The following CTNNA2 variants were observed in gnomAD, a reference collection of about 807,000 sequenced individuals.
CTNNA2 encodes catenin alpha 2.
CTNNA2 carries 42 observed loss-of-function variants against 101.0 expected under a neutral mutation model. That is an observed-to-expected ratio of 0.42 (90% CI 0.32 to 0.54). The LOEUF (loss-of-function observed/expected upper bound fraction) is 0.54. CTNNA2 is among the 20% of genes least tolerant of loss of function. The pLI, the probability that CTNNA2 is intolerant of heterozygous loss-of-function variation, is 0.14. For missense variants in CTNNA2, 871 were observed against 1,223.1 expected (o/e 0.71, Z 4.29); for synonymous variants, 450 against 456.4 (o/e 0.99, Z 0.18).
intron 7 of CTNNA2, among the ~76,000 whole-genome samples, chr2:79,936,022 G>T (rs889073361): frequency 2.0e-5 from 3 of 152,212 alleles, no homozygotes; most frequent in African/African-American, 7.2e-5. Flanking sequence ...AATGAAGAGA[G>T]ATTTAATAAT....
In CTNNA2 at chr2:80,303,100, C is replaced by T; in HGVS notation, c.1057-90111C>T. ...CCACAATGGCCACCTTGTTCCTCCG[C>T]AGGCAGAGCGAGTGCAGGGAGATGA... On this transcript the variant is annotated intron_variant, in intron 7 of 18. Transcript: ENST00000402739. This position sits in a 1 kb window ranked among gnomAD's most constrained non-coding sequence, Gnocchi z 7.7. 6.2e-7 allele frequency: 1 copy of T among 1,614,096 alleles called. No homozygotes were observed. Among genetic ancestry groups the T allele is most frequent in the South Asian group, 1.1e-5 (1 of 91,076 alleles).
intron 6 of CTNNA2, among the ~76,000 whole-genome samples, chr2:79,907,701 G>A (rs1247736689): frequency 2.0e-5 from 3 of 152,178 alleles, no homozygotes; most frequent in African/African-American, 7.2e-5. Flanking sequence ...TAAGATATAA[G>A]AGAGTACAAA....
At chr2:79,328,051 G>GT (rs1573082393) in intron 3 of CTNNA2, among the ~76,000 whole-genome samples, 2 of 152,268 alleles carry the variant, frequency 1.3e-5, no homozygotes, top group East Asian at 3.9e-4. Flanking sequence ...AGAAGAGTTA[G>GT]AAGGGAAGCG....
At chr2:79,324,478 A>G (rs983706669) in intron 3 of CTNNA2, among the ~76,000 whole-genome samples, 2 of 152,174 alleles carry the variant, frequency 1.3e-5, no homozygotes, top group Non-Finnish European at 2.9e-5. Context: ...CCACCTGCTC[A>G]AGAAGGGAAT....
At chr2:79,203,349 T>C (rs78156256) in intron 2 of CTNNA2, among the ~76,000 whole-genome samples, 2 of 152,198 alleles carry the variant, frequency 1.3e-5, no homozygotes. Flanking sequence ...ATGAAACATA[T>C]GTTAAAGATT....
chr2:79,843,466 C>A (rs1017907282), intron 3 of CTNNA2, among the ~76,000 whole-genome samples: 2 of 152,212 alleles, frequency 1.3e-5, no homozygotes, highest in Admixed American at 6.5e-5. Context: ...AGGGCATGAA[C>A]TGGATCAGCC....
intron 7 of CTNNA2, among the ~76,000 whole-genome samples, chr2:79,928,844 A>G (rs1439606921): frequency 1.3e-5 from 2 of 152,178 alleles, no homozygotes; most frequent in African/African-American, 4.8e-5. Flanking sequence ...GAAACAATAC[A>G]TGAAAAAAAA....
intron 7 of CTNNA2, among the ~76,000 whole-genome samples, chr2:80,171,553 G>A (rs1056676259): frequency 1.3e-5 from 2 of 152,180 alleles, no homozygotes; most frequent in South Asian, 2.1e-4. Flanking sequence ...GGATGGGGAG[G>A]CATCAGTGCT....
chr2:80,563,287 C>T (rs1015578091), intron 12 of CTNNA2, among the ~76,000 whole-genome samples: 4 of 152,192 alleles, frequency 2.6e-5, no homozygotes, highest in African/African-American at 7.2e-5. Flanking sequence ...TAGTAATGTC[C>T]TGTCACCCAG....
At chr2:79,493,843 G>C (rs1671228324) in intron 4 of CTNNA2, 1 of 152,128 alleles carries the variant, frequency 6.6e-6, no homozygotes, top group Admixed American at 6.6e-5. Flanking sequence ...ATCTTTATGA[G>C]CTGATATTCC....
chr2:79,977,436 C>G (rs781739326), intron 7 of CTNNA2, among the ~76,000 whole-genome samples: 128 of 152,098 alleles, frequency 8.4e-4, no homozygotes, highest in Non-Finnish European at 9.9e-4. Flanking sequence ...CTGTAGTGTA[C>G]AGGACAGCCC....
At chr2:79,426,454 G>A (rs914390191) in intron 4 of CTNNA2, among the ~76,000 whole-genome samples, 11 of 152,018 alleles carry the variant, frequency 7.2e-5, no homozygotes, top group African/African-American at 1.4e-4. Flanking sequence ...AAAAATTCTC[G>A]TTATTTCTGA....
intron 4 of CTNNA2, among the ~76,000 whole-genome samples, chr2:79,497,427 C>A (rs1370914202): frequency 6.6e-6 from 1 of 152,140 alleles, no homozygotes; most frequent in East Asian, 1.9e-4. Context: ...AGTATTTGTT[C>A]CTGCTGCTGT....
At chr2:80,043,081 TTCTTTCTTTCTTTCTC>T (rs1251176393) in intron 7 of CTNNA2, among the ~76,000 whole-genome samples, 1,547 of 43,366 alleles carry the variant, frequency 0.036, 28 homozygotes, top group Non-Finnish European at 0.044. Flanking sequence ...CTTTCTTTCT[TTCTTTCTTTCTTTCTC>T]TCTCTCTCTC....
In CTNNA2 at chr2:79,494,837, G is replaced by A. The variant is rs563432267; in HGVS notation, c.-134-10217G>A. ...CAAAATTAAAAACTTTTGGCAGGGCGTGGTGGCTCACGTCTGTAATTCCAG... is the reference window on the plus strand; with the variant it reads ...CAAAATTAAAAACTTTTGGCAGGGCATGGTGGCTCACGTCTGTAATTCCAG... On this transcript the variant is annotated intron_variant, in intron 4 of 21. Transcript: ENST00000466387. Among the ~76,000 whole-genome samples, 3 of 152,186 alleles carry A rather than the reference G, an allele frequency of 2.0e-5. No homozygotes were observed. The South Asian group carries it at 6.2e-4, about 32-fold the overall frequency.
chr2:79,357,169 G>A (rs1677526380), intron 3 of CTNNA2, among the ~76,000 whole-genome samples: 1 of 151,944 alleles, frequency 6.6e-6, no homozygotes, highest in Non-Finnish European at 1.5e-5. Context: ...TGTATACAAA[G>A]AAAAAAATTA....
intron 2 of CTNNA2, among the ~76,000 whole-genome samples, chr2:79,203,286 C>T (rs1674061000): frequency 6.6e-6 from 1 of 152,098 alleles, no homozygotes; most frequent in South Asian, 2.1e-4. Flanking sequence ...AGCGCAGATC[C>T]AAATTCATTA....
In CTNNA2 at chr2:80,642,530, T is replaced by C. The variant is rs544484919; in HGVS notation, c.2575-5055T>C. Among the ~76,000 whole-genome samples the C allele has an allele frequency of 4.6e-5, 7 of 151,166 alleles. No homozygotes were observed. In the South Asian group the frequency reaches 1.5e-3, roughly 32 times the overall value. On this transcript the variant is annotated intron_variant, in intron 18 of 18. Transcript: ENST00000402739. ...CTTGGATGATGTGTAGATGGAAAAA[T>C]GTAGGGATAGACTGGAGGATAAAAA...
chr2:79,949,000 G>A lies in CTNNA2; in HGVS notation c.1056+39203G>A, dbSNP rs556310789. Among the ~76,000 whole-genome samples the A allele has an allele frequency of 3.3e-5, 5 of 151,774 alleles. No homozygotes were observed. In the South Asian group the frequency reaches 1.0e-3, roughly 32 times the overall value. The stretch of plus-strand genomic sequence containing the variant: ...AATAAATAAATAAATAAAATAAATG[G>A]ATAAATAAATAAATAAATTTAACCT... On this transcript the variant is annotated intron_variant, in intron 7 of 18. Transcript: ENST00000402739.
Sources: gnomAD v4.1 joint callset for allele counts (sites outside exome capture counted in the v4.1 genomes callset) on GRCh38, gnomAD v4.1.1 for gene constraint, Gnocchi (gnomAD v3.1) non-coding constraint, MANE v1.5 for transcripts, NCBI Gene and HGNC (gene_info 2026-07-23, HGNC 2026-07-21) for gene names.